RNF130: variants seen among roughly 807,000 people sequenced by gnomAD.
RNF130 encodes ring finger protein 130.
Under a neutral mutation model 44.6 loss-of-function variants are expected in RNF130, and 21 were observed. The ratio of observed to expected loss-of-function variants is 0.47; its 90% CI spans 0.33 to 0.68. RNF130 has a LOEUF of 0.68. Among genes scored for constraint, RNF130 ranks in the 30% least tolerant of loss-of-function variants. The pLI is 0.02. For missense variants in RNF130, 479 were observed against 560.6 expected, an observed-to-expected ratio of 0.85 and a Z score of 1.47; for synonymous variants, 214 against 210.4, an observed-to-expected ratio of 1.02 and a Z score of -0.15.
At chr5:179,935,148 T>C (rs116055234) in intron 7 of RNF130, among the ~76,000 whole-genome samples, 86 of 152,354 alleles carry the variant, frequency 5.6e-4, no homozygotes, top group African/African-American at 1.9e-3. Context: ...TTCCAAACAT[T>C]TGGGGATCAT....
At chr5:180,069,680 T>C (rs1765200787) in intron 1 of RNF130, among the ~76,000 whole-genome samples, 1 of 152,162 alleles carries the variant, frequency 6.6e-6, no homozygotes, top group Admixed American at 6.5e-5. Context: ...ATCATTCCAT[T>C]TTACAGATGA....
chr5:179,927,555 T>A (rs1761722464), intron 7 of RNF130, among the ~76,000 whole-genome samples: 1 of 149,684 alleles, frequency 6.7e-6, no homozygotes, highest in Non-Finnish European at 1.5e-5. Flanking sequence ...GAAACCATAA[T>A]CCAGACTTCT....
intron 1 of RNF130, among the ~76,000 whole-genome samples, chr5:180,059,490 C>A (rs1252343556): frequency 2.0e-5 from 3 of 152,176 alleles, no homozygotes; most frequent in Admixed American, 2.0e-4. Flanking sequence ...TCAGTAGGTG[C>A]TTAATAATTA....
chr5:179,983,531 A>G lies in RNF130; in HGVS notation c.694-3331T>C, dbSNP rs1034851773. Among the ~76,000 whole-genome samples, 6 of 152,226 alleles carry G rather than the reference A, an allele frequency of 3.9e-5. No homozygotes were observed. In the South Asian group the frequency reaches 1.0e-3, roughly 26 times the overall value. On this transcript the variant is annotated intron_variant, in intron 3 of 8. Transcript: ENST00000521389. ...ATTAAGGAAATACAATCCTGTCCTG[A>G]TTTCTGAGGCTTTGTAATAGATCTG...
chr5:180,023,076 G>T (rs1763908375), intron 2 of RNF130, among the ~76,000 whole-genome samples: 1 of 152,310 alleles, frequency 6.6e-6, no homozygotes, highest in East Asian at 1.9e-4. Context: ...ATGTAGGATG[G>T]CAAGAGCCAG....
At chr5:179,924,955 C>T (rs1200685658) in intron 7 of RNF130, among the ~76,000 whole-genome samples, 1 of 152,126 alleles carries the variant, frequency 6.6e-6, no homozygotes, top group East Asian at 1.9e-4. Flanking sequence ...TCCAACAGCA[C>T]TAAGGGAGGA....
chr5:179,999,877 T>TA (rs1280064334), intron 3 of RNF130, among the ~76,000 whole-genome samples: 7 of 152,222 alleles, frequency 4.6e-5, no homozygotes, highest in African/African-American at 1.7e-4. Context: ...GGTGAGGACT[T>TA]ATTCCTATCA....
exon 8 of RNF130, chr5:179,912,245 G>A (rs1753219879): frequency 6.6e-6 from 1 of 152,154 alleles, no homozygotes; most frequent in Admixed American, 6.5e-5. Context: ...GCTACGGAGG[G>A]TCCAAAACAA....
intron 1 of RNF130, among the ~76,000 whole-genome samples, chr5:180,045,034 G>A (rs1472464082): frequency 1.3e-5 from 2 of 152,108 alleles, no homozygotes; most frequent in African/African-American, 4.8e-5. Flanking sequence ...AGGTGGATAC[G>A]CAAGTTGCCA....
rs1762740104 is a variant in RNF130, at chr5:179,977,514, AG to A, written c.848+688del. On this transcript the variant is annotated intron_variant, in intron 5 of 8. Transcript: ENST00000521389. This position sits in a 1 kb window ranked among gnomAD's most constrained non-coding sequence, Gnocchi z 4.1. The stretch of plus-strand genomic sequence containing the variant: ...CAAGGCAGGAGGACTGCTTGAGCCC[AG>A]GAGTTCATGTTCAGCTGTGCGCAAC... The A allele has an allele frequency of 6.6e-6, 1 of 152,382 alleles. No homozygotes were observed. Among genetic ancestry groups the A allele is most frequent in the Admixed American group, 6.5e-5 (1 of 15,292 alleles). The allele number at this position is 152,382 out of a possible 1,614,324, so 9.4% of individuals were successfully genotyped here. A position where few individuals can be genotyped will look rare whatever the true frequency, so the allele number is the denominator to read the frequency against.
At chr5:179,937,923 TGTGTGTGTGTGAGA>T (rs1237588883) in intron 7 of RNF130, among the ~76,000 whole-genome samples, 1 of 135,980 alleles carries the variant, frequency 7.4e-6, no homozygotes, top group Non-Finnish European at 1.6e-5. Context: ...TGTGTGTGTG[TGTGTGTGTGTGAGA>T]GAGAGAGAGA....
At position 180,038,296 on chromosome 5, in the gene RNF130, C is replaced by G. The variant is rs369966128; in HGVS notation, c.442+2157G>C. Reference sequence around the variant, plus strand: ...TCTCGAACTCCTGGGCTCAAGCAATCCTCCTACCTTGGCTTCCCCAGGCTC... The same window carrying G: ...TCTCGAACTCCTGGGCTCAAGCAATGCTCCTACCTTGGCTTCCCCAGGCTC... On this transcript the variant is annotated intron_variant, in intron 2 of 8. Transcript: ENST00000521389. 2.0e-5 allele frequency among the ~76,000 whole-genome samples: 3 copies of G among 151,574 alleles called. No individual in the cohort carries two copies. The East Asian group carries it at 5.8e-4, about 29-fold the overall frequency.
At chr5:179,944,886 C>A (rs183649862) in intron 7 of RNF130, among the ~76,000 whole-genome samples, 1 of 152,286 alleles carries the variant, frequency 6.6e-6, no homozygotes, top group Admixed American at 6.5e-5. Context: ...TGACAGCAGG[C>A]CCTGTTTCCA....
chr5:180,066,803 G>A (rs984269054), intron 1 of RNF130, among the ~76,000 whole-genome samples: 1 of 151,960 alleles, frequency 6.6e-6, no homozygotes, highest in Non-Finnish European at 1.5e-5. Context: ...ATTGCACTCC[G>A]CCTGGGCAAC....
chr5:180,020,336 C>T (rs1271417538), intron 2 of RNF130, among the ~76,000 whole-genome samples: 4 of 152,280 alleles, frequency 2.6e-5, no homozygotes, highest in South Asian at 2.1e-4. Context: ...AGAGGAAGAA[C>T]GCGGTCTGCT....
chr5:180,056,071 G>A lies in RNF130; in HGVS notation c.247+15385C>T, dbSNP rs146723421. Among the ~76,000 whole-genome samples, 40 of 151,740 alleles carry A rather than the reference G, an allele frequency of 2.6e-4. 1 individual carries two copies. The East Asian group carries it at 7.3e-3, about 28-fold the overall frequency. On this transcript the variant is annotated intron_variant, in intron 1 of 8. Transcript: ENST00000521389. ...CGTACTCTGGCCTGGGCGACAGAGC[G>A]AAACTGGGTCTTAAAAAAAAACAAA...
chr5:179,949,640 C>CT, intron 7 of RNF130, among the ~76,000 whole-genome samples: 1 of 152,302 alleles, frequency 6.6e-6, no homozygotes, highest in South Asian at 2.1e-4. Flanking sequence ...AATTATTCAA[C>CT]TTTATACATT....
chr5:179,924,313 T>C (rs1761676357), intron 7 of RNF130, among the ~76,000 whole-genome samples: 1 of 145,732 alleles, frequency 6.9e-6, no homozygotes, highest in Admixed American at 7.0e-5. Flanking sequence ...CTGACCAACA[T>C]GGAGAAACCC....
At chr5:179,954,323 C>G (rs1475970827), downstream of RNF130, among the ~76,000 whole-genome samples, 2 of 152,134 alleles carry the variant, frequency 1.3e-5, no homozygotes, top group Non-Finnish European at 2.9e-5. Flanking sequence ...TCATAACAGC[C>G]GAACAGCGGA....
Sources: gnomAD v4.1 joint callset for allele counts (sites outside exome capture counted in the v4.1 genomes callset) on GRCh38, gnomAD v4.1.1 for gene constraint, Gnocchi (gnomAD v3.1) non-coding constraint, MANE v1.5 for transcripts, NCBI Gene and HGNC (gene_info 2026-07-23, HGNC 2026-07-21) for gene names.